Variants in COLEC11 observed in about 807,000 individuals in gnomAD.
COLEC11 encodes collectin-11.
Under a neutral mutation model 27.3 loss-of-function variants are expected in COLEC11, and 20 were observed. The ratio of observed to expected loss-of-function variants is 0.73; its 90% confidence interval spans 0.51 to 1.06. COLEC11 has a LOEUF of 1.06. Among genes scored for constraint, COLEC11 ranks in the 50% least tolerant of loss-of-function variants. COLEC11 has a pLI of 0.00. For missense variants in COLEC11, 310 were observed against 383.0 expected, an observed-to-expected ratio of 0.81 and a Z score of 1.59; for synonymous variants, 163 against 154.7, an observed-to-expected ratio of 1.05 and a Z score of -0.40.
At position 3,643,667 on chromosome 2, in the gene COLEC11, T is replaced by C. The variant is rs187925792; in HGVS notation, c.425-60T>C. 9 of 1,611,930 alleles carry C rather than the reference T, an allele frequency of 5.6e-6. No individual in the cohort carries two copies. In the East Asian group the frequency reaches 2.0e-4, roughly 36 times the overall value. On this transcript the variant is annotated intron_variant, in intron 6 of 6. Coordinates refer to ENST00000349077, the MANE Select transcript of COLEC11 (RefSeq NM_024027.5). ...TGCCGGCCCCTGCTGCCTGTGGCTG[T>C]GCCTTAAGTTTGTTGCACACATACA...
chr2:3,628,171 A>C (rs540455175), intron 3 of COLEC11, among the ~76,000 whole-genome samples: 3 of 152,236 alleles, frequency 2.0e-5, no homozygotes, highest in Non-Finnish European at 4.4e-5. Flanking sequence ...CATATCTTCA[A>C]ATACCTCTGC....
At chr2:3,619,713 C>T (rs1664044925) in intron 3 of COLEC11, among the ~76,000 whole-genome samples, 1 of 152,166 alleles carries the variant, frequency 6.6e-6, no homozygotes, top group African/African-American at 2.4e-5. Flanking sequence ...GCAACCTCCG[C>T]CTCCTGAGTT....
intron 1 of COLEC11, chr2:3,601,887 A>C (rs906323105): frequency 1.3e-5 from 2 of 152,118 alleles, no homozygotes; most frequent in African/African-American, 4.8e-5. Flanking sequence ...GTCTGTGACC[A>C]TTGGAGGCGA....
At chr2:3,620,811 GTTGT>G (rs141821274) in intron 3 of COLEC11, among the ~76,000 whole-genome samples, 5,834 of 152,180 alleles carry the variant, frequency 0.038, 363 homozygotes, top group African/African-American at 0.13. Flanking sequence ...TCAGGAATGT[GTTGT>G]TTAATTTTCT....
At chr2:3,595,983 TC>T (rs1408836953) in intron 1 of COLEC11, among the ~76,000 whole-genome samples, 1 of 152,146 alleles carries the variant, frequency 6.6e-6, no homozygotes, top group African/African-American at 2.4e-5. Flanking sequence ...TTTTGAAAAA[TC>T]CATGTACCGT....
rs1347198042 is a variant in COLEC11 at position 3,597,355 on chromosome 2, T to C, written c.-27+2187T>C. On this transcript the variant is annotated intron_variant, in intron 1 of 6. Coordinates refer to ENST00000349077, the MANE Select transcript of COLEC11 (RefSeq NM_024027.5). ...TCAGTGAATGAATGGAGTGAAGGCATGAGAAATCCCACCTGGGCTGCTCCG... is the reference window on the plus strand; with the variant it reads ...TCAGTGAATGAATGGAGTGAAGGCACGAGAAATCCCACCTGGGCTGCTCCG... Among the ~76,000 whole-genome samples, 6 of 130,830 alleles carry C rather than the reference T, an allele frequency of 4.6e-5. No individual in the cohort carries two copies. The South Asian group carries it at 1.2e-3, about 26-fold the overall frequency. The allele number at this position is 130,830 out of a possible 152,430, so 85.8% of individuals were successfully genotyped here.
At chr2:3,616,605 G>A (rs1453411761) in intron 3 of COLEC11, among the ~76,000 whole-genome samples, 1 of 152,236 alleles carries the variant, frequency 6.6e-6, no homozygotes, top group Non-Finnish European at 1.5e-5. Context: ...AAAAAAATAC[G>A]AAAACCAGTC....
intron 3 of COLEC11, among the ~76,000 whole-genome samples, chr2:3,631,426 G>A (rs946276318): frequency 1.3e-5 from 2 of 152,142 alleles, no homozygotes. Context: ...TTTAGACAAA[G>A]TTGGCACTGG....
intron 6 of COLEC11, 40 bp downstream of exon 6, chr2:3,643,579 C>A: frequency 1.9e-6 from 3 of 1,601,862 alleles, no homozygotes; most frequent in Non-Finnish European, 2.6e-6. Context: ...CCTCCCACCT[C>A]CCAGCCCTGT....
intron 3 of COLEC11, among the ~76,000 whole-genome samples, chr2:3,632,297 C>T (rs1348255507): frequency 6.6e-6 from 1 of 152,202 alleles, no homozygotes; most frequent in African/African-American, 2.4e-5. Context: ...TCACCTGACT[C>T]TCTGAACTCC....
At chr2:3,601,002 GC>G (rs1254723504) in intron 1 of COLEC11, among the ~76,000 whole-genome samples, 1 of 152,182 alleles carries the variant, frequency 6.6e-6, no homozygotes, top group African/African-American at 2.4e-5. Flanking sequence ...AGAGTCGGGA[GC>G]CCCCACTTTC....
chr2:3,600,839 G>GGTA (rs1444002406), intron 1 of COLEC11, among the ~76,000 whole-genome samples: 1 of 152,202 alleles, frequency 6.6e-6, no homozygotes, highest in Non-Finnish European at 1.5e-5. Flanking sequence ...CTGGGCAATG[G>GGTA]GTATATGGAA....
At chr2:3,604,899 A>C (rs928856228) in intron 2 of COLEC11, 2 of 382,826 alleles carry the variant, frequency 5.2e-6, no homozygotes, top group African/African-American at 2.1e-5. Context: ...AGCTCTTAAT[A>C]TTTTATTTTA....
intron 3 of COLEC11, among the ~76,000 whole-genome samples, chr2:3,627,921 G>T (rs1664680429): frequency 1.3e-5 from 2 of 152,240 alleles, no homozygotes; most frequent in Non-Finnish European, 2.9e-5. Flanking sequence ...CCTGGGAAGA[G>T]CGGGACCTGG....
At chr2:3,605,838 G>A (rs1199602288) in intron 2 of COLEC11, 6 of 434,336 alleles carry the variant, frequency 1.4e-5, no homozygotes, top group African/African-American at 1.0e-4. Flanking sequence ...CACAGGGTCC[G>A]GACAGCTCGG....
At chr2:3,613,638 CT>C (rs967193396) in intron 3 of COLEC11, among the ~76,000 whole-genome samples, 1 of 152,210 alleles carries the variant, frequency 6.6e-6, no homozygotes, top group African/African-American at 2.4e-5. Flanking sequence ...CTCCTGGCCC[CT>C]TTAAGCCTCA....
intron 1 of COLEC11, chr2:3,603,722 G>A: frequency 1.3e-6 from 2 of 1,526,534 alleles, no homozygotes; most frequent in South Asian, 1.2e-5. Flanking sequence ...TCTTCCTATG[G>A]GCTCGGCCCC....
In COLEC11 at chr2:3,644,421, C is replaced by T. The variant is rs1227567775; in HGVS notation, c.*303C>T. On this transcript the variant is annotated 3_prime_UTR_variant, in exon 7 of 7. Transcript: ENST00000349077. ...AGCTTGTGCCTTTGTCCAAGCTATA[C>T]AATAAAATCTTTAAGTAGTGCAGTA... 3 of 583,656 alleles carry T rather than the reference C, an allele frequency of 5.1e-6. No individual in the cohort carries two copies. Among genetic ancestry groups the T allele is most frequent in the Admixed American group, 4.3e-5 (2 of 46,318 alleles). The allele number at this position is 583,656 out of a possible 1,614,324, so 36.2% of individuals were successfully genotyped here.
chr2:3,625,584 T>C (rs1181263425), intron 3 of COLEC11, among the ~76,000 whole-genome samples: 1 of 151,428 alleles, frequency 6.6e-6, no homozygotes, highest in East Asian at 1.9e-4. Context: ...GTGCCTCAGC[T>C]TGGACCCATG....
Sources: gnomAD v4.1 joint callset for allele counts (sites outside exome capture counted in the v4.1 genomes callset) on GRCh38, gnomAD v4.1.1 for gene constraint, MANE v1.5 for transcripts, NCBI Gene and HGNC (gene_info 2026-07-23, HGNC 2026-07-21) for gene names.